TSPAN16: variants seen among roughly 807,000 people sequenced by gnomAD.
TSPAN16 encodes tetraspanin-16.
TSPAN16 carries 23 observed loss-of-function variants against 25.2 expected under a neutral mutation model. The ratio of observed to expected loss-of-function variants is 0.91; its 90% CI spans 0.66 to 1.29. The LOEUF (loss-of-function observed/expected upper bound fraction) is 1.29, where lower values mean the gene tolerates loss of function less well. Among genes scored for constraint, TSPAN16 ranks in the 50% most tolerant of loss-of-function variants. TSPAN16 has a pLI of 0.00. For synonymous variants in TSPAN16, 123 were observed against 124.4 expected, an observed-to-expected ratio of 0.99 and a Z score of 0.08; for missense variants, 272 against 299.9, an observed-to-expected ratio of 0.91 and a Z score of 0.69.
At chr19:11,304,368 G>A (rs1013226006) in intron 4 of TSPAN16, among the ~76,000 whole-genome samples, 1 of 151,186 alleles carries the variant, frequency 6.6e-6, no homozygotes, top group Non-Finnish European at 1.5e-5. Context: ...TTAAGACAGA[G>A]TCGTACTCCC....
rs780509153 is a variant in TSPAN16, at chr19:11,298,898, C to A, written c.294C>A (p.Leu98=). Residue 98 remains leucine, a synonymous_variant, in exon 3 of 7, where the codon CTC becomes CTA. Coordinates refer to ENST00000590327, the MANE Select transcript of TSPAN16 (RefSeq NM_001282509.2). The part of the protein sequence containing the change: ...LFCILSMVIV[L]IMEVTAATVV... ...GCATCCTGTCAATGGTTATTGTCCTCATCATGGAAGTTACAGCTGCCACAG... is the reference window on the plus strand; with the variant it reads ...GCATCCTGTCAATGGTTATTGTCCTAATCATGGAAGTTACAGCTGCCACAG... 4 of 1,614,132 alleles carry A rather than the reference C, an allele frequency of 2.5e-6. No individual in the cohort carries two copies. Among genetic ancestry groups the A allele is most frequent in the South Asian group, 2.2e-5 (2 of 91,074 alleles).
intron 4 of TSPAN16, among the ~76,000 whole-genome samples, chr19:11,302,252 C>G (rs1385062251): frequency 6.6e-6 from 1 of 152,110 alleles, no homozygotes; most frequent in Admixed American, 6.6e-5. Context: ...GAAACGCTCA[C>G]TCCACATTCT....
Position 11,298,241 on chromosome 19 carries a change from G to A in TSPAN16, c.169G>A (p.Val57Ile), listed in dbSNP as rs750213552. ...GCTGTCCTCCGCATACCTCCTTCAC[G>A]TTGGCAACCTGTGCCTGGTGATGGG... ...LGLSSAYLLHVGNLCLVMGCI... is the reference protein window; with the variant it reads ...LGLSSAYLLHIGNLCLVMGCI... Residue 57 changes from valine to isoleucine, a missense_variant, in exon 2 of 7, where the codon GTT (valine) becomes ATT (isoleucine). Transcript: ENST00000590327. 42 of 1,613,998 alleles carry A rather than the reference G, an allele frequency of 2.6e-5. No homozygotes were observed. Among genetic ancestry groups the A allele is most frequent in the Middle Eastern group, 1.6e-4 (1 of 6,082 alleles).
At chr19:11,298,457 CAG>C (rs2080505173) in intron 2 of TSPAN16, 118 bp downstream of exon 2, 1 of 919,028 alleles carries the variant, frequency 1.1e-6, no homozygotes. Context: ...TTTGCGGGGA[CAG>C]GGTTTCACTC....
chr19:11,321,372 G>A (rs1175648461), intron 6 of TSPAN16: 1 of 152,176 alleles, frequency 6.6e-6, no homozygotes, highest in African/African-American at 2.4e-5. Flanking sequence ...GATCTCGTGA[G>A]AACTCACTTG....
intron 6 of TSPAN16, 136 bp downstream of exon 6, chr19:11,312,358 A>G: frequency 2.1e-6 from 1 of 474,918 alleles, no homozygotes; most frequent in Non-Finnish European, 3.7e-6. Context: ...ACAAAGAAGA[A>G]CAAACTAAAC....
rs573393681 is a variant in TSPAN16 at position 11,300,076 on chromosome 19, C to A, written c.343-1125C>A. ...AGGGTTTAGGCAAGTTAAAATACATCGACACAGTGGAATCCTGTACATCAG... is the reference window on the plus strand; with the variant it reads ...AGGGTTTAGGCAAGTTAAAATACATAGACACAGTGGAATCCTGTACATCAG... On this transcript the variant is annotated intron_variant, in intron 3 of 6. Transcript: ENST00000590327. Among the ~76,000 whole-genome samples the A allele has an allele frequency of 2.0e-5, 3 of 152,108 alleles. No homozygotes were observed. In the East Asian group the frequency reaches 5.8e-4, roughly 29 times the overall value.
chr19:11,308,010 G>A (rs2080648412), intron 5 of TSPAN16: 1 of 152,174 alleles, frequency 6.6e-6, no homozygotes, highest in Non-Finnish European at 1.5e-5. Flanking sequence ...ACCATGAAAA[G>A]TGATCATCCT....
intron 3 of TSPAN16, among the ~76,000 whole-genome samples, chr19:11,299,855 T>TA (rs1418027093): frequency 4.0e-5 from 6 of 151,790 alleles, no homozygotes; most frequent in Non-Finnish European, 8.8e-5. Flanking sequence ...CACATGCCTG[T>TA]AATCCCAGCT....
intron 5 of TSPAN16, among the ~76,000 whole-genome samples, chr19:11,308,456 G>T (rs1163786352): frequency 6.7e-6 from 1 of 149,480 alleles, no homozygotes; most frequent in East Asian, 2.0e-4. Flanking sequence ...GTGCTACCAC[G>T]CCCAGCTAAT....
chr19:11,325,994 G>A (rs900619566), intron 6 of TSPAN16, among the ~76,000 whole-genome samples: 2 of 152,138 alleles, frequency 1.3e-5, no homozygotes, highest in Admixed American at 1.3e-4. Context: ...GCCGAGGCGG[G>A]AGGATCATTT....
intron 6 of TSPAN16, 124 bp downstream of exon 6, chr19:11,312,346 CA>C (rs2080702291): frequency 2.0e-6 from 1 of 497,766 alleles, no homozygotes. Flanking sequence ...AAAAGAAACT[CA>C]ACAAAGAAGA....
At chr19:11,315,051 C>G (rs560439035) in intron 6 of TSPAN16, among the ~76,000 whole-genome samples, 2 of 151,320 alleles carry the variant, frequency 1.3e-5, no homozygotes, top group South Asian at 4.2e-4. Flanking sequence ...GCCTGACCAA[C>G]ATGGTGAAAC....
At chr19:11,305,009 C>T (rs1039484002) in intron 4 of TSPAN16, among the ~76,000 whole-genome samples, 4 of 151,968 alleles carry the variant, frequency 2.6e-5, no homozygotes, top group South Asian at 2.1e-4. Flanking sequence ...GTCTTGAACT[C>T]GTCGCCTGAA....
intron 3 of TSPAN16, among the ~76,000 whole-genome samples, chr19:11,300,168 A>G (rs2080528558): frequency 6.6e-6 from 1 of 152,148 alleles, no homozygotes. Context: ...TGCCGTCCTC[A>G]TTGGCATCCT....
intron 4 of TSPAN16, 29 bp downstream of exon 4, chr19:11,301,337 T>C (rs1224333605): frequency 6.4e-7 from 1 of 1,550,460 alleles, no homozygotes; most frequent in African/African-American, 1.4e-5. Context: ...AAAAAAATTG[T>C]GGTGTAAAGG....
chr19:11,324,992 CA>C (rs1454267372), intron 6 of TSPAN16: 1 of 158,040 alleles, frequency 6.3e-6, no homozygotes, highest in Non-Finnish European at 1.4e-5. Flanking sequence ...AACCATCTTC[CA>C]CCAGCTTGGG....
intron 5 of TSPAN16, among the ~76,000 whole-genome samples, chr19:11,310,641 T>C (rs1447605390): frequency 6.6e-6 from 1 of 151,536 alleles, no homozygotes. Context: ...ATCTGTAAAA[T>C]GGAGGAAAGA....
At chr19:11,299,082 C>T (rs2080513794) in intron 3 of TSPAN16, 136 bp downstream of exon 3, 2 of 813,548 alleles carry the variant, frequency 2.5e-6, no homozygotes, top group African/African-American at 1.7e-5. Context: ...GAGTTTGAGA[C>T]CAGCCTGGCC....
Sources: gnomAD v4.1 joint callset for allele counts (sites outside exome capture counted in the v4.1 genomes callset) on GRCh38, gnomAD v4.1.1 for gene constraint, MANE v1.5 for transcripts, NCBI Gene and HGNC (gene_info 2026-07-23, HGNC 2026-07-21) for gene names.